STX16: variants seen among roughly 807,000 people sequenced by gnomAD.
STX16 encodes syntaxin-16.
STX16 carries 28 observed loss-of-function variants against 42.7 expected under a neutral mutation model. That is an observed-to-expected ratio of 0.66 (90% CI 0.49 to 0.90). The LOEUF (loss-of-function observed/expected upper bound fraction) is 0.90. Ranked by LOEUF, STX16 falls within the 40% of genes least tolerant of loss-of-function variation. The pLI is 0.00. For synonymous variants in STX16, 156 were observed against 155.2 expected (o/e 1.00, Z -0.04); for missense variants, 361 against 420.9 (o/e 0.86, Z 1.24).
intron 2 of STX16, among the ~76,000 whole-genome samples, chr20:58,666,409 T>TTG (rs897637012): frequency 4.5e-4 from 66 of 147,444 alleles, no homozygotes; most frequent in Middle Eastern, 3.4e-3. Context: ...CCTCTGTTTT[T>TTG]TGTGTGTGTG....
At position 58,651,555 on chromosome 20, in the gene STX16, G is replaced by A. The variant is rs539373922; in HGVS notation, c.-452G>A. 6.2e-6 allele frequency: 1 copy of A among 161,652 alleles called. No individual in the cohort carries two copies. Among genetic ancestry groups the A allele is most frequent in the African/African-American group, 2.4e-5 (1 of 41,678 alleles). The allele number at this position is 161,652 out of a possible 1,614,324, so 10.0% of individuals were successfully genotyped here. ...TGGTGCGGAAACTGAGTCACAGCCA[G>A]ACCTCAGGGCACGGCCTAGACGCTT... is the stretch of plus-strand genomic sequence containing the variant. On this transcript the variant is annotated 5_prime_UTR_variant, in exon 1 of 9. Coordinates refer to ENST00000371141, the MANE Select transcript of STX16 (RefSeq NM_001001433.3).
chr20:58,666,423 GTTTTT>G (rs5842238), intron 2 of STX16, among the ~76,000 whole-genome samples: 1 of 79,720 alleles, frequency 1.3e-5, no homozygotes. Context: ...GTGTGTGTGT[GTTTTT>G]TTTTTTTTTT....
In STX16 at chr20:58,661,505, C is replaced by T. The variant is rs148181064; in HGVS notation, c.144+1871C>T. On this transcript the variant is annotated intron_variant, in intron 2 of 8. Coordinates refer to ENST00000371141, the MANE Select transcript of STX16 (RefSeq NM_001001433.3). ...TTAGAAATGCAGGTTGCTGCCTCAT[C>T]GTGGGTGCCCACGGCCACCTCATTT... Among the ~76,000 whole-genome samples, 29 of 152,398 alleles carry T rather than the reference C, an allele frequency of 1.9e-4. No individual in the cohort carries two copies. In the East Asian group the frequency reaches 5.0e-3, roughly 26 times the overall value.
intron 1 of STX16, 123 bp downstream of exon 1, chr20:58,652,261 T>A: frequency 7.2e-7 from 1 of 1,397,040 alleles, no homozygotes; most frequent in Admixed American, 2.0e-5. Flanking sequence ...CTAAGAATAA[T>A]AAGATCTCTT....
intron 2 of STX16, among the ~76,000 whole-genome samples, chr20:58,665,676 C>T (rs1370349218): frequency 1.3e-5 from 2 of 152,140 alleles, no homozygotes; most frequent in African/African-American, 2.4e-5. Flanking sequence ...TACCACTTCA[C>T]GGCCCGGGAG....
At chr20:58,671,363 G>C (rs1280105664) in intron 7 of STX16, 66 bp downstream of exon 7, 6 of 1,499,480 alleles carry the variant, frequency 4.0e-6, no homozygotes, top group Admixed American at 2.1e-5. Context: ...TCTTTTTCCT[G>C]TACTCCTTTC....
At chr20:58,665,806 A>G (rs1419202346) in intron 2 of STX16, among the ~76,000 whole-genome samples, 1 of 152,142 alleles carries the variant, frequency 6.6e-6, no homozygotes, top group Non-Finnish European at 1.5e-5. Flanking sequence ...ACGTGCTGGG[A>G]TTAGTGAATG....
chr20:58,656,558 CGATCTCCGGGAATG>C (rs2083591153), intron 1 of STX16, among the ~76,000 whole-genome samples: 1 of 152,170 alleles, frequency 6.6e-6, no homozygotes, highest in African/African-American at 2.4e-5. Context: ...TGGTTTCCTT[CGATCTCCGGGAATG>C]GATCTAATAT....
intron 1 of STX16, among the ~76,000 whole-genome samples, chr20:58,652,989 C>T (rs1027167532): frequency 2.6e-5 from 4 of 152,096 alleles, no homozygotes; most frequent in Admixed American, 1.3e-4. Flanking sequence ...TTCTGAGCCT[C>T]AGTTTACTGC....
rs2083600270 is a variant in STX16, at chr20:58,657,038, C to T, written c.133-2585C>T. On this transcript the variant is annotated intron_variant, in intron 1 of 8. Coordinates refer to ENST00000371141, the MANE Select transcript of STX16 (RefSeq NM_001001433.3). This position sits in a 1 kb window ranked among gnomAD's most constrained non-coding sequence, Gnocchi z 4.2. ...TCTGGCTTCAGAGCCCCGTGCTCAC[C>T]TCCTGGGCCACTCTGGTGTTGGCTG... Among the ~76,000 whole-genome samples, 1 of 152,218 alleles carries T rather than the reference C, an allele frequency of 6.6e-6. No homozygotes were observed. The highest frequency in any genetic ancestry group is 2.4e-5 in the African/African-American group (1 of 41,460).
At chr20:58,661,093 G>A (rs140338327) in intron 2 of STX16, among the ~76,000 whole-genome samples, 66 of 152,248 alleles carry the variant, frequency 4.3e-4, no homozygotes, top group African/African-American at 1.3e-3. Flanking sequence ...GAGAGCAGGC[G>A]TTCTGAGTTA....
Position 58,666,427 on chromosome 20 carries a change from T to G in STX16, c.145-1063T>G, listed in dbSNP as rs1382680466. Among the ~76,000 whole-genome samples the G allele has an allele frequency of 3.3e-3, 470 of 144,462 alleles. 2 individuals are homozygous for G. Among genetic ancestry groups the G allele is most frequent in the African/African-American group, 0.011 (437 of 38,304 alleles). 94.8% of individuals were successfully genotyped at this position (144,462 alleles called of 152,430 possible). A position where few individuals can be genotyped will look rare whatever the true frequency, so the allele number is the denominator to read the frequency against. On this transcript the variant is annotated intron_variant, in intron 2 of 8. Transcript: ENST00000371141. The stretch of plus-strand genomic sequence containing the variant: ...CTGTTTTTTGTGTGTGTGTGTGTTT[T>G]TTTTTTTTTTTTTTTTTTGAGACAG...
chr20:58,667,559 A>G lies in STX16; in HGVS notation c.214A>G (p.Lys72Glu). 6.2e-7 allele frequency: 1 copy of G among 1,614,196 alleles called. No homozygotes were observed. Among genetic ancestry groups the G allele is most frequent in the Non-Finnish European group, 8.5e-7 (1 of 1,180,042 alleles). Residue 72 changes from lysine to glutamate, a missense_variant, in exon 3 of 9, where the codon AAA becomes GAA. Transcript: ENST00000371141. ...LDPEAAIGVT[K>E]RPPPKWVDGV... ...TCCAGAAGCAGCGATTGGTGTGACA[A>G]AACGGCCACCTCCTAAGTGGGTGGA...
chr20:58,666,246 T>G (rs1024148805), intron 2 of STX16, among the ~76,000 whole-genome samples: 15 of 152,216 alleles, frequency 9.9e-5, no homozygotes, highest in African/African-American at 3.6e-4. Flanking sequence ...AGGGCTTTTA[T>G]AGATTATTTT....
Position 58,667,608 on chromosome 20 carries a change from TGTTA to T in STX16, c.252+15_252+18del. ...GATGGAGTGGATGAAGTAAGTTCCA[TGTTA>T]GTTTCATAGCATCTTGTTTTTTTAA... On this transcript the variant is annotated intron_variant, in intron 3 of 8. Transcript: ENST00000371141. 6.2e-7 allele frequency: 1 copy of T among 1,605,808 alleles called. No individual in the cohort carries two copies. Among genetic ancestry groups the T allele is most frequent in the South Asian group, 1.1e-5 (1 of 90,872 alleles).
Position 58,677,548 on chromosome 20 carries a change from G to GA in STX16, c.*1257_*1258insA, listed in dbSNP as rs2084160565. 6.6e-6 allele frequency: 1 copy of GA among 152,128 alleles called. No individual in the cohort carries two copies. The highest frequency in any genetic ancestry group is 2.4e-5 in the African/African-American group (1 of 41,408). 9.4% of individuals were successfully genotyped at this position (152,128 alleles called of 1,614,324 possible). ...ACTGTAGAACAGTGTGGAAAGTGATGGTAACTTTGAAGTTGTTCATGTTTT... is the reference window on the plus strand; with the variant it reads ...ACTGTAGAACAGTGTGGAAAGTGATGAGTAACTTTGAAGTTGTTCATGTTTT... On this transcript the variant is annotated 3_prime_UTR_variant, in exon 9 of 9. Coordinates refer to ENST00000371141, the MANE Select transcript of STX16 (RefSeq NM_001001433.3).
chr20:58,676,171 C>T lies in STX16; in HGVS notation c.874-16C>T, dbSNP rs1411535416. 1 of 1,608,004 alleles carries T rather than the reference C, an allele frequency of 6.2e-7. No individual in the cohort carries two copies. The stretch of plus-strand genomic sequence containing the variant: ...TTGGGGAAAATGACGGCCTTTTTTC[C>T]CTCCTCTTTTTGTAGGCAGAACAGT... On this transcript the variant is annotated splice_polypyrimidine_tract_variant and intron_variant, in intron 8 of 8. Transcript: ENST00000371141.
chr20:58,652,177 T>G (rs1260518079), intron 1 of STX16, 39 bp downstream of exon 1: 10 of 1,611,130 alleles, frequency 6.2e-6, no homozygotes, highest in Non-Finnish European at 8.5e-6. Flanking sequence ...ACGGACCGTG[T>G]GCACTGCGGC....
At chr20:58,666,875 T>C (rs1393213903) in intron 2 of STX16, among the ~76,000 whole-genome samples, 2 of 152,252 alleles carry the variant, frequency 1.3e-5, no homozygotes, top group Non-Finnish European at 2.9e-5. Context: ...TAAGATTGCA[T>C]TGAGATCTTA....
Sources: allele counts gnomAD v4.1 joint callset (sites outside exome capture counted in the v4.1 genomes callset), GRCh38; gene constraint gnomAD v4.1.1; non-coding constraint Gnocchi (gnomAD v3.1); transcripts MANE v1.5; gene names NCBI Gene and HGNC (gene_info 2026-07-23, HGNC 2026-07-21).